REDIC1: variants seen among roughly 807,000 people sequenced by gnomAD.
The protein encoded by REDIC1 is regulator of DNA class I crossover intermediates 1.
chr12:39,778,900 C>A, the REDIC1 span, among the ~76,000 whole-genome samples: 2 of 152,162 alleles, frequency 1.3e-5, no homozygotes, highest in African/African-American at 2.4e-5. Flanking sequence ...CTGTTTCTAT[C>A]AGTTTGGGGG....
At chr12:39,871,698 A>T in the REDIC1 span, 3 of 1,186,766 alleles carry the variant, frequency 2.5e-6, no homozygotes, top group Non-Finnish European at 3.3e-6. Context: ...TGGCTGAGAA[A>T]CCAATATTAG....
the REDIC1 span, among the ~76,000 whole-genome samples, chr12:39,643,298 CAAAT>C: frequency 6.6e-6 from 1 of 151,386 alleles, no homozygotes; most frequent in Admixed American, 6.6e-5. Flanking sequence ...GGAGGGATAA[CAAAT>C]AAACGAAATT....
the REDIC1 span, among the ~76,000 whole-genome samples, chr12:39,856,237 GCATC>G: frequency 2.0e-5 from 3 of 151,816 alleles, no homozygotes; most frequent in East Asian, 3.9e-4. Context: ...ATCTATCCAT[GCATC>G]CATCCATCCA....
the REDIC1 span, among the ~76,000 whole-genome samples, chr12:39,714,495 G>T: frequency 6.6e-6 from 1 of 151,408 alleles, no homozygotes; most frequent in African/African-American, 2.4e-5. Context: ...TTTTGTAATT[G>T]TGAATTATGC....
At chr12:39,842,503 A>G in the REDIC1 span, among the ~76,000 whole-genome samples, 1 of 152,062 alleles carries the variant, frequency 6.6e-6, no homozygotes, top group Non-Finnish European at 1.5e-5. Context: ...GGAAACTTGT[A>G]TTGTCTTGTG....
chr12:39,873,997 T>A, the REDIC1 span, among the ~76,000 whole-genome samples: 1 of 152,208 alleles, frequency 6.6e-6, no homozygotes, highest in Non-Finnish European at 1.5e-5. Context: ...AGATATGTTA[T>A]TAAATCCTGT....
chr12:39,694,227 C>T, the REDIC1 span, among the ~76,000 whole-genome samples: 3 of 151,926 alleles, frequency 2.0e-5, no homozygotes, highest in African/African-American at 7.3e-5. Context: ...ACACCCACTG[C>T]AAGCGCACCA....
chr12:39,839,203 G>T, the REDIC1 span, among the ~76,000 whole-genome samples: 2 of 152,146 alleles, frequency 1.3e-5, no homozygotes, highest in East Asian at 3.9e-4. Context: ...CTACCAGTCG[G>T]GACAGCGACT....
the REDIC1 span, among the ~76,000 whole-genome samples, chr12:39,631,340 G>T: frequency 6.6e-6 from 1 of 152,036 alleles, no homozygotes; most frequent in African/African-American, 2.4e-5. Flanking sequence ...TGAATATAAG[G>T]CTTTTAAAAT....
At chr12:39,797,189 G>A in the REDIC1 span, among the ~76,000 whole-genome samples, 1 of 152,278 alleles carries the variant, frequency 6.6e-6, no homozygotes, top group East Asian at 1.9e-4. Flanking sequence ...AAGCAAGCAT[G>A]CAAGCCTGAT....
chr12:39,835,845 G>T, the REDIC1 span: 4 of 152,102 alleles, frequency 2.6e-5, no homozygotes, highest in Admixed American at 2.6e-4. Context: ...GGGGGTAGAT[G>T]AATTGACGTA....
chr12:39,664,344 C>T, the REDIC1 span, among the ~76,000 whole-genome samples: 387 of 151,216 alleles, frequency 2.6e-3, 1 homozygote, highest in African/African-American at 8.5e-3. Context: ...ATTGTCCTTG[C>T]GCTAGTTTGC....
chr12:39,864,920 C>A, the REDIC1 span: 3 of 1,570,690 alleles, frequency 1.9e-6, no homozygotes, highest in African/African-American at 1.4e-5. Context: ...GAAGAGTTGA[C>A]AATATTGTTT....
the REDIC1 span, among the ~76,000 whole-genome samples, chr12:39,626,616 C>G: frequency 1.4e-4 from 22 of 152,214 alleles, no homozygotes; most frequent in South Asian, 4.6e-3. Context: ...TCCCTGCTGC[C>G]CCTCCTCCCC....
At chr12:39,685,130 A>G in the REDIC1 span, among the ~76,000 whole-genome samples, 1 of 152,232 alleles carries the variant, frequency 6.6e-6, no homozygotes, top group Admixed American at 6.5e-5. Flanking sequence ...GAGACTGTTA[A>G]CATGTTTTAT....
the REDIC1 span, among the ~76,000 whole-genome samples, chr12:39,820,717 TTATATATATATATATATATATATATA>T: frequency 1.3e-3 from 168 of 132,712 alleles, 4 homozygotes; most frequent in East Asian, 4.1e-3. Context: ...ATTTTTAAAT[TTATATATATATATATATATATATATA>T]TATATATATA....
At chr12:39,708,489 A>G in the REDIC1 span, among the ~76,000 whole-genome samples, 2 of 151,756 alleles carry the variant, frequency 1.3e-5, no homozygotes, top group African/African-American at 4.8e-5. Context: ...TAGACTCTCC[A>G]GACTCTTCAC....
At chr12:39,818,217 C>CA in the REDIC1 span, among the ~76,000 whole-genome samples, 6 of 152,016 alleles carry the variant, frequency 3.9e-5, no homozygotes, top group Admixed American at 3.9e-4. Context: ...CTGATTCCCC[C>CA]AGTCATGTAC....
the REDIC1 span, among the ~76,000 whole-genome samples, chr12:39,713,991 G>C: frequency 6.9e-6 from 1 of 144,582 alleles, no homozygotes; most frequent in East Asian, 2.0e-4. Flanking sequence ...ATATATACAT[G>C]TATGTACACC....
Sources: gnomAD v4.1 joint callset for allele counts (sites outside exome capture counted in the v4.1 genomes callset) on GRCh38, gnomAD v4.1.1 for gene constraint, MANE v1.5 for transcripts, NCBI Gene and HGNC (gene_info 2026-07-23, HGNC 2026-07-21) for gene names.